The following TFB1M variants were observed in gnomAD, a reference collection of about 807,000 sequenced individuals.
The protein encoded by TFB1M is transcription factor B1, mitochondrial.
TFB1M carries 27 observed loss-of-function variants against 31.1 expected under a neutral mutation model. The observed-to-expected ratio is 0.87, with a 90% CI of 0.64 to 1.20. The LOEUF (loss-of-function observed/expected upper bound fraction) is 1.20, where lower values mean the gene tolerates loss of function less well. Ranked by LOEUF, TFB1M falls within the 50% of genes most tolerant of loss-of-function variation. TFB1M has a pLI of 0.00. For synonymous variants in TFB1M, 166 were observed against 151.8 expected (o/e 1.09, Z -0.69); for missense variants, 394 against 418.7 (o/e 0.94, Z 0.51).
At position 155,256,135 on chromosome 6, in the gene TFB1M, G is replaced by A; in HGVS notation, c.*1701C>T. 2.3e-6 allele frequency: 1 copy of A among 429,646 alleles called. No homozygotes were observed. The highest frequency in any genetic ancestry group is 4.1e-6 in the Non-Finnish European group (1 of 243,720). The allele number at this position is 429,646 out of a possible 1,614,324, so 26.6% of individuals were successfully genotyped here. ...TGATCAAATTACAAAGCACCTTAGT[G>A]AAAGAAAGGAGCCTAGATTTATTAT... On this transcript the variant is annotated 3_prime_UTR_variant, in exon 7 of 7. Transcript: ENST00000367166.
In TFB1M at chr6:155,260,549, G is replaced by A. The variant is rs1784344334; in HGVS notation, c.667-149C>T. On this transcript the variant is annotated intron_variant, in intron 5 of 6. Coordinates refer to ENST00000367166, the MANE Select transcript of TFB1M (RefSeq NM_016020.4). Reference sequence around the variant, plus strand: ...TCCACGTACTTCGGTTTCATCTCTAGGCATGGAAGATGGTACATTCTGGAT... The same window carrying A: ...TCCACGTACTTCGGTTTCATCTCTAAGCATGGAAGATGGTACATTCTGGAT... 4 of 975,486 alleles carry A rather than the reference G, an allele frequency of 4.1e-6. No homozygotes were observed. The Admixed American group carries it at 8.0e-5, about 19-fold the overall frequency. The allele number at this position is 975,486 out of a possible 1,614,324, so 60.4% of individuals were successfully genotyped here. A position where few individuals can be genotyped will look rare whatever the true frequency, so the allele number is the denominator to read the frequency against.
At chr6:155,232,958 T>C in the TFB1M span, 1 of 152,188 alleles carries the variant, frequency 6.6e-6, no homozygotes, top group Admixed American at 6.5e-5. Context: ...TTTAAACCTT[T>C]TTTCTTAGAC....
At chr6:155,245,804 AT>A in the TFB1M span, 1 of 1,014,774 alleles carries the variant, frequency 9.9e-7, no homozygotes, top group Non-Finnish European at 1.4e-6. Context: ...GTAAATCTGT[AT>A]TTAACAAGTA....
At chr6:155,273,694 G>C (rs1342630555) in intron 5 of TFB1M, among the ~76,000 whole-genome samples, 1 of 152,182 alleles carries the variant, frequency 6.6e-6, no homozygotes, top group Non-Finnish European at 1.5e-5. Context: ...GTGGTAAAAG[G>C]GGAAAGGATG....
In TFB1M at chr6:155,285,136, C is replaced by T. The variant is rs373936754; in HGVS notation, c.666+22G>A. On this transcript the variant is annotated intron_variant, in intron 5 of 6. Transcript: ENST00000367166. ...CAAACGTCCTAATTCCGATATACTA[C>T]AACAAATAAGCAGAAACTTACCTCT... 116 of 1,613,360 alleles carry T rather than the reference C, an allele frequency of 7.2e-5. No individual in the cohort carries two copies. In the African/African-American group the frequency reaches 1.4e-3, roughly 19 times the overall value.
downstream of TFB1M, chr6:155,251,919 CTT>C: frequency 3.2e-6 from 5 of 1,571,918 alleles, no homozygotes; most frequent in Non-Finnish European, 4.4e-6. Flanking sequence ...AAAATAAAGA[CTT>C]TCTTTCTCTT....
rs73579353 is a variant in TFB1M at position 155,260,300 on chromosome 6, C to T, written c.767G>A (p.Arg256Gln). The change falls in exon 6 of 7, where the codon CGA (arginine) becomes CAA (glutamine). Residue 256 changes from arginine to glutamine, a missense_variant. Arg to Gln is a conservative substitution (Grantham distance 43). Coordinates refer to ENST00000367166, the MANE Select transcript of TFB1M (RefSeq NM_016020.4). ...GAGCCCTCGATGGCAGTATTTCCTT[C>T]GGAACTGAAATACATTCTGAACCAC... ...EKVVQNVFQF[R>Q]RKYCHRGLRM... The T allele has an allele frequency of 1.1e-3, 1,709 of 1,614,154 alleles. 22 individuals carry two copies. In the African/African-American group the frequency reaches 0.02, roughly 19 times the overall value.
chr6:155,309,728 C>T (rs563510040), intron 2 of TFB1M, among the ~76,000 whole-genome samples: 6 of 152,122 alleles, frequency 3.9e-5, no homozygotes, highest in South Asian at 2.1e-4. Context: ...CGAATAAGCC[C>T]GAAGGGGATT....
At chr6:155,278,631 C>T (rs537463199) in intron 5 of TFB1M, among the ~76,000 whole-genome samples, 15 of 152,262 alleles carry the variant, frequency 9.9e-5, no homozygotes, top group Admixed American at 2.0e-4. Context: ...ACACTGAGGG[C>T]GACAGAGGTG....
At chr6:155,276,266 A>G in intron 5 of TFB1M, 3 of 1,614,056 alleles carry the variant, frequency 1.9e-6, no homozygotes, top group South Asian at 2.2e-5. Context: ...GATTTTCTGC[A>G]CCTCCTGTAT....
intron 4 of TFB1M, among the ~76,000 whole-genome samples, chr6:155,288,363 CA>C (rs1776761643): frequency 6.6e-6 from 1 of 151,984 alleles, no homozygotes; most frequent in South Asian, 2.1e-4. Context: ...AATGTAAAAC[CA>C]AGACACATAT....
chr6:155,306,772 G>C (rs966396401), intron 2 of TFB1M, among the ~76,000 whole-genome samples: 6 of 152,148 alleles, frequency 3.9e-5, no homozygotes, highest in Non-Finnish European at 8.8e-5. Context: ...TCCTGAGGAC[G>C]ATGAGTGTTT....
chr6:155,307,413 A>T (rs1275257028), intron 2 of TFB1M, among the ~76,000 whole-genome samples: 1 of 152,128 alleles, frequency 6.6e-6, no homozygotes, highest in East Asian at 1.9e-4. Flanking sequence ...TCCTACGTGG[A>T]TGGCAACAGG....
chr6:155,309,613 A>T (rs536379155), intron 2 of TFB1M, among the ~76,000 whole-genome samples: 106 of 152,302 alleles, frequency 7.0e-4, no homozygotes, highest in African/African-American at 2.4e-3. Flanking sequence ...CCCCTGGCCT[A>T]ATAAGAAAGA....
Position 155,290,687 on chromosome 6 carries a change from T to C in TFB1M, c.547-5410A>G, listed in dbSNP as rs1007665901. 2.6e-5 allele frequency among the ~76,000 whole-genome samples: 4 copies of C among 152,186 alleles called. No homozygotes were observed. In the East Asian group the frequency reaches 7.7e-4, roughly 29 times the overall value. On this transcript the variant is annotated intron_variant, in intron 4 of 6. Coordinates refer to ENST00000367166, the MANE Select transcript of TFB1M (RefSeq NM_016020.4). The stretch of plus-strand genomic sequence containing the variant: ...ACCGAAAATATTACTCCACCTCTTC[T>C]TAAGCCTCTGTTTCTTTGTGTTTCC...
chr6:155,245,682 C>T, the TFB1M span: 1 of 1,613,162 alleles, frequency 6.2e-7, no homozygotes, highest in Admixed American at 1.7e-5. Flanking sequence ...TTAAACTGTA[C>T]AGTGGATTCT....
intron 2 of TFB1M, 92 bp downstream of exon 2, chr6:155,311,096 A>G: frequency 7.0e-7 from 1 of 1,428,276 alleles, no homozygotes; most frequent in Admixed American, 1.7e-5. Context: ...AAAAACCTAC[A>G]TAATCTTTGG....
Position 155,257,766 on chromosome 6 carries a change from G to A in TFB1M, c.*70C>T, listed in dbSNP as rs1784165107. On this transcript the variant is annotated 3_prime_UTR_variant, in exon 7 of 7. Coordinates refer to ENST00000367166, the MANE Select transcript of TFB1M (RefSeq NM_016020.4). ...GTATCGTCATTCTGTAAAGACAAAA[G>A]AGTACCTATATAAGAAGCTCCACGT... The A allele has an allele frequency of 3.2e-6, 5 of 1,584,510 alleles. No individual in the cohort carries two copies. The highest frequency in any genetic ancestry group is 4.3e-6 in the Non-Finnish European group (5 of 1,161,458).
At chr6:155,284,693 C>T (rs1424804671) in intron 5 of TFB1M, among the ~76,000 whole-genome samples, 1 of 152,084 alleles carries the variant, frequency 6.6e-6, no homozygotes, top group Non-Finnish European at 1.5e-5. Context: ...GTTTAATATC[C>T]AACTGTTTCT....
Sources: allele counts gnomAD v4.1 joint callset (sites outside exome capture counted in the v4.1 genomes callset), GRCh38; gene constraint gnomAD v4.1.1; transcripts MANE v1.5; gene names NCBI Gene and HGNC (gene_info 2026-07-23, HGNC 2026-07-21).